Variants in UBE2D2 observed in about 807,000 individuals in gnomAD.
The protein encoded by UBE2D2 is ubiquitin conjugating enzyme E2 D2.
A neutral mutation model predicts 24.2 loss-of-function variants in UBE2D2; 2 were observed. The ratio of observed to expected loss-of-function variants is 0.08; its 90% CI spans 0.03 to 0.26. The LOEUF is 0.26. UBE2D2 is among the 10% of genes least tolerant of loss of function. UBE2D2 has a pLI of 1.00. For missense variants in UBE2D2, 44 were observed against 177.6 expected, an observed-to-expected ratio of 0.25 and a Z score of 4.28; for synonymous variants, 58 against 56.5, an observed-to-expected ratio of 1.03 and a Z score of -0.12.
chr5:139,623,133 T>C (rs1043399063), intron 5 of UBE2D2, among the ~76,000 whole-genome samples: 7 of 151,512 alleles, frequency 4.6e-5, no homozygotes, highest in African/African-American at 1.5e-4. Context: ...AGGTCAGGAG[T>C]TCGAGACCAG....
intron 5 of UBE2D2, among the ~76,000 whole-genome samples, chr5:139,622,846 C>A (rs906318420): frequency 1.3e-5 from 2 of 151,630 alleles, no homozygotes; most frequent in Non-Finnish European, 2.9e-5. Context: ...GCCTAGACCG[C>A]GCCGCGCCAC....
chr5:139,539,413 G>T (rs1273883765), intron 1 of UBE2D2, among the ~76,000 whole-genome samples: 1 of 152,108 alleles, frequency 6.6e-6, no homozygotes, highest in Non-Finnish European at 1.5e-5. Context: ...AAATACATTA[G>T]TAATTGCCAG....
chr5:139,553,616 A>T (rs1752946687), intron 1 of UBE2D2, among the ~76,000 whole-genome samples: 1 of 152,166 alleles, frequency 6.6e-6, no homozygotes, highest in African/African-American at 2.4e-5. Context: ...GGCCTGTATG[A>T]TCCACATGGG....
At chr5:139,569,093 G>GA (rs1753301098) in intron 1 of UBE2D2, among the ~76,000 whole-genome samples, 2 of 152,158 alleles carry the variant, frequency 1.3e-5, no homozygotes, top group African/African-American at 4.8e-5. Flanking sequence ...GGAGTATTGG[G>GA]AACTTTAATA....
chr5:139,582,523 T>G (rs1170454258), intron 1 of UBE2D2, among the ~76,000 whole-genome samples: 3 of 151,796 alleles, frequency 2.0e-5, no homozygotes, highest in Admixed American at 2.0e-4. Flanking sequence ...TACACAATAT[T>G]TTAAATAATT....
intron 5 of UBE2D2, 78 bp downstream of exon 5, chr5:139,615,044 T>G: frequency 1.5e-6 from 2 of 1,321,330 alleles, no homozygotes; most frequent in East Asian, 2.4e-5. Context: ...TTGAAAAGAT[T>G]ACTTATGTTT....
chr5:139,537,655 G>T (rs542082999), intron 1 of UBE2D2, among the ~76,000 whole-genome samples: 1 of 151,750 alleles, frequency 6.6e-6, no homozygotes, highest in African/African-American at 2.4e-5. Context: ...TGCTCGGCCT[G>T]GAAGAATTTT....
chr5:139,539,782 GTGTTGGGTTTCGCCA>G lies in UBE2D2; in HGVS notation c.-64+13177_-64+13191del, dbSNP rs575977401. 4.0e-3 allele frequency among the ~76,000 whole-genome samples: 611 copies of G among 151,548 alleles called. 2 individuals are homozygous for G. The highest frequency in any genetic ancestry group is 0.014 in the African/African-American group (584 of 41,264). On this transcript the variant is annotated intron_variant, in intron 1 of 6. Transcript: ENST00000511725. Reference sequence around the variant, plus strand: ...AATTTTTGTATTTTTAGTAGATATCGTGTTGGGTTTCGCCATGTTGGCCAGGCTGGTCTCAAACTC... The same window carrying G: ...AATTTTTGTATTTTTAGTAGATATCGTGTTGGCCAGGCTGGTCTCAAACTC...
At chr5:139,564,681 C>T (rs1753181277) in intron 1 of UBE2D2, among the ~76,000 whole-genome samples, 1 of 152,126 alleles carries the variant, frequency 6.6e-6, no homozygotes, top group Admixed American at 6.5e-5. Context: ...TCTTGAACTC[C>T]TGACCTCAAG....
intron 1 of UBE2D2, among the ~76,000 whole-genome samples, chr5:139,577,071 T>C (rs1753487350): frequency 6.6e-6 from 1 of 151,416 alleles, no homozygotes; most frequent in African/African-American, 2.4e-5. Flanking sequence ...ACTATTGATC[T>C]ACCCATCTTA....
At chr5:139,571,004 T>G (rs972117325) in intron 1 of UBE2D2, among the ~76,000 whole-genome samples, 1 of 152,240 alleles carries the variant, frequency 6.6e-6, no homozygotes, top group Non-Finnish European at 1.5e-5. Flanking sequence ...AAAACCACTG[T>G]CCTTCCACCT....
intron 1 of UBE2D2, among the ~76,000 whole-genome samples, chr5:139,568,798 C>G (rs1214110796): frequency 6.6e-6 from 1 of 152,096 alleles, no homozygotes. Flanking sequence ...TGGTGAAACC[C>G]TGTCTCTACT....
chr5:139,588,336 C>T (rs1431547580), intron 1 of UBE2D2, among the ~76,000 whole-genome samples: 1 of 150,320 alleles, frequency 6.7e-6, no homozygotes, highest in South Asian at 2.1e-4. Flanking sequence ...AGTGCAGTGG[C>T]GCGATCTCAG....
intron 1 of UBE2D2, among the ~76,000 whole-genome samples, chr5:139,577,589 T>C (rs986207775): frequency 1.3e-5 from 2 of 151,972 alleles, no homozygotes; most frequent in Admixed American, 1.3e-4. Context: ...AATTATTGTA[T>C]TTTTAGTAAA....
chr5:139,603,623 GA>G (rs1169340176), intron 2 of UBE2D2, among the ~76,000 whole-genome samples: 7,950 of 37,188 alleles, frequency 0.21, 121 homozygotes, highest in Non-Finnish European at 0.24. Context: ...CTCTGTCTCC[GA>G]AAAAAAAAAA....
At chr5:139,607,815 T>C (rs1348346291) in intron 2 of UBE2D2, among the ~76,000 whole-genome samples, 4 of 152,138 alleles carry the variant, frequency 2.6e-5, no homozygotes, top group South Asian at 4.2e-4. Context: ...GAGACCAGCT[T>C]GGGCAACATA....
chr5:139,562,385 G>A (rs1247731855), intron 1 of UBE2D2: 2 of 1,323,600 alleles, frequency 1.5e-6, no homozygotes, highest in African/African-American at 1.5e-5. Flanking sequence ...TTAAGAGTTG[G>A]AAGTTCAGAA....
Position 139,561,756 on chromosome 5 carries a change from C to T in UBE2D2, c.-36C>T. 1.4e-6 allele frequency: 2 copies of T among 1,430,250 alleles called. No individual in the cohort carries two copies. The highest frequency in any genetic ancestry group is 2.1e-4 in the Middle Eastern group (1 of 4,812). The allele number at this position is 1,430,250 out of a possible 1,614,324, so 88.6% of individuals were successfully genotyped here. On this transcript the variant is annotated 5_prime_UTR_variant, in exon 1 of 7. Transcript: ENST00000398733. ...TTCCCCGTCCCTTCCCCGCCCCCGT[C>T]CCCGCCCCGGGGGCCGCCGCCACCC...
chr5:139,594,458 G>C (rs909859157), intron 1 of UBE2D2, among the ~76,000 whole-genome samples: 27 of 151,908 alleles, frequency 1.8e-4, no homozygotes, highest in Non-Finnish European at 2.9e-4. Context: ...CTATTGCCCA[G>C]GCTGGAGTGC....
Sources: gnomAD v4.1 joint callset for allele counts (sites outside exome capture counted in the v4.1 genomes callset) on GRCh38, gnomAD v4.1.1 for gene constraint, MANE v1.5 for transcripts, NCBI Gene and HGNC (gene_info 2026-07-23, HGNC 2026-07-21) for gene names.